The following MKNK1 variants were observed in gnomAD, a reference collection of about 807,000 sequenced individuals.
MKNK1 encodes MAP kinase-interacting serine/threonine-protein kinase 1.
In MKNK1, 30 loss-of-function variants were observed where a neutral mutation model predicts 49.3. That is an observed-to-expected ratio of 0.61 (90% CI 0.46 to 0.83). MKNK1 has a LOEUF of 0.83. Among genes scored for constraint, MKNK1 ranks in the 40% least tolerant of loss-of-function variants. MKNK1 has a pLI of 0.00. For synonymous variants in MKNK1, 176 were observed against 201.7 expected (o/e 0.87, Z 1.08); for missense variants, 423 against 524.7 (o/e 0.81, Z 1.89).
chr1:46,591,052 C>T (rs965301944), intron 2 of MKNK1, among the ~76,000 whole-genome samples: 4 of 152,216 alleles, frequency 2.6e-5, no homozygotes, highest in African/African-American at 7.2e-5. Flanking sequence ...GGACAGGCTA[C>T]GTTCTTCTGT....
intron 1 of MKNK1, among the ~76,000 whole-genome samples, chr1:46,602,194 C>T (rs1557905221): frequency 6.6e-6 from 1 of 152,194 alleles, no homozygotes; most frequent in East Asian, 1.9e-4. Flanking sequence ...GGCGGATCAC[C>T]TGAGGTCAGA....
At chr1:46,580,728 C>G in intron 3 of MKNK1, 101 bp from the exon 4 acceptor site, 3 of 775,232 alleles carry the variant, frequency 3.9e-6, no homozygotes, top group East Asian at 5.1e-5. Flanking sequence ...TCAGACGACA[C>G]AGGCACCCAA....
intron 8 of MKNK1, 65 bp from the exon 9 acceptor site, chr1:46,565,201 A>C: frequency 5.5e-6 from 8 of 1,456,028 alleles, no homozygotes; most frequent in South Asian, 4.5e-5. Flanking sequence ...GGAGCCAGGC[A>C]TGGCTGTACG....
At chr1:46,561,421 T>C in intron 11 of MKNK1, 57 bp downstream of exon 11, 1 of 1,525,902 alleles carries the variant, frequency 6.6e-7, no homozygotes, top group Non-Finnish European at 8.8e-7. Context: ...ACAGCTTCCT[T>C]GTGGCCATGC....
chr1:46,596,417 A>G (rs1275104104), intron 1 of MKNK1, among the ~76,000 whole-genome samples: 1 of 152,258 alleles, frequency 6.6e-6, no homozygotes, highest in African/African-American at 2.4e-5. Context: ...CAGTGAGTCA[A>G]ATATGGCCTG....
At chr1:46,601,515 C>A (rs924836276) in intron 1 of MKNK1, among the ~76,000 whole-genome samples, 2 of 152,336 alleles carry the variant, frequency 1.3e-5, no homozygotes, top group African/African-American at 4.8e-5. Flanking sequence ...GTGCAGGTCT[C>A]TGAACACAGC....
chr1:46,574,993 A>G lies in MKNK1; in HGVS notation c.306T>C (p.Phe102=), dbSNP rs1670741219. Residue 102 remains phenylalanine, a synonymous_variant, in exon 6 of 13, where the codon TTT becomes TTC. Coordinates refer to ENST00000371945, the MANE Select transcript of MKNK1 (RefSeq NM_001135553.4). ...NKNILELIEF[F]EDDTRFYLVF... The stretch of plus-strand genomic sequence containing the variant: ...CCAAGTAAAACCTTGTGTCATCTTC[A>G]AAGAACTCAATCAGCTCCAAAATGT... 2 of 1,613,344 alleles carry G rather than the reference A, an allele frequency of 1.2e-6. No individual in the cohort carries two copies. The highest frequency in any genetic ancestry group is 1.7e-6 in the Non-Finnish European group (2 of 1,179,516).
intron 3 of MKNK1, among the ~76,000 whole-genome samples, 166 bp from the exon 4 acceptor site, chr1:46,580,793 AC>A (rs60914701): frequency 0.25 from 37,277 of 152,048 alleles, 4,614 homozygotes; most frequent in Admixed American, 0.33. Context: ...CCACCTGAGG[AC>A]CCAGTTTCTC....
At chr1:46,585,978 G>A (rs1211181641) in intron 2 of MKNK1, 2 of 1,327,654 alleles carry the variant, frequency 1.5e-6, no homozygotes, top group Admixed American at 1.9e-5. Flanking sequence ...TCTGAAACTA[G>A]GAAGGAAAAA....
chr1:46,583,043 T>A (rs886944427), intron 3 of MKNK1, 185 bp downstream of exon 3: 8 of 684,456 alleles, frequency 1.2e-5, no homozygotes, highest in Non-Finnish European at 2.1e-5. Flanking sequence ...GCTTTTTCCA[T>A]CCCTGCTCTC....
At chr1:46,568,521 A>T in intron 7 of MKNK1, 23 bp from the exon 8 acceptor site, 1 of 1,609,436 alleles carries the variant, frequency 6.2e-7, no homozygotes, top group Non-Finnish European at 8.5e-7. Flanking sequence ...AGAGCAAAAA[A>T]ATGGTTAACA....
At position 46,589,960 on chromosome 1, in the gene MKNK1, G is replaced by C. The variant is rs185226068; in HGVS notation, c.-3+4153C>G. On this transcript the variant is annotated intron_variant, in intron 2 of 12. Transcript: ENST00000371945. The surrounding 1 kb of genome is among the most constrained non-coding windows in gnomAD (Gnocchi z 4.3). ...CTCTCCCCACTGAGAACCCGACTTT[G>C]CTGGCTAGCTCAGCTCTGCAAACTT... Among the ~76,000 whole-genome samples, 34 of 152,068 alleles carry C rather than the reference G, an allele frequency of 2.2e-4. No individual in the cohort carries two copies. Among genetic ancestry groups the C allele is most frequent in the Non-Finnish European group, 3.5e-4 (24 of 68,024 alleles).
chr1:46,601,475 C>T (rs571874936), intron 1 of MKNK1, among the ~76,000 whole-genome samples: 1 of 152,322 alleles, frequency 6.6e-6, no homozygotes, highest in South Asian at 2.1e-4. Context: ...TGAGCTTTCC[C>T]CTGTTTGAAC....
chr1:46,600,426 T>C (rs1171875385), intron 1 of MKNK1, among the ~76,000 whole-genome samples: 2 of 152,266 alleles, frequency 1.3e-5, no homozygotes, highest in Non-Finnish European at 2.9e-5. Flanking sequence ...ACTGAGTTCA[T>C]TCTAAAACTG....
intron 1 of MKNK1, among the ~76,000 whole-genome samples, chr1:46,599,500 C>T (rs1395175122): frequency 6.6e-6 from 1 of 152,118 alleles, no homozygotes; most frequent in Non-Finnish European, 1.5e-5. Context: ...AAAATGATCA[C>T]CTATTAAACC....
chr1:46,568,660 A>C, intron 7 of MKNK1, 162 bp from the exon 8 acceptor site: 1 of 668,474 alleles, frequency 1.5e-6, no homozygotes, highest in Non-Finnish European at 2.6e-6. Context: ...AACCAGCGAC[A>C]CAAACCAAAA....
chr1:46,600,850 G>A (rs928386355), intron 1 of MKNK1, among the ~76,000 whole-genome samples: 2 of 151,958 alleles, frequency 1.3e-5, no homozygotes, highest in Non-Finnish European at 2.9e-5. Flanking sequence ...CAACGTAGTA[G>A]ACTGAAAAAA....
chr1:46,568,680 A>G lies in MKNK1; in HGVS notation c.458-182T>C, dbSNP rs1324307281. 106 of 613,058 alleles carry G rather than the reference A, an allele frequency of 1.7e-4. No homozygotes were observed. The East Asian group carries it at 3.0e-3, about 17-fold the overall frequency. 38.0% of individuals were successfully genotyped at this position (613,058 alleles called of 1,614,324 possible). ...GCGACACAAACCAAAAGCACAGTTG[A>G]TTCTGCGGGTTCTTTTGAAGAGGAG... On this transcript the variant is annotated intron_variant, in intron 7 of 12. Transcript: ENST00000371945.
chr1:46,603,041 A>C (rs566362791), intron 1 of MKNK1, among the ~76,000 whole-genome samples: 1 of 152,250 alleles, frequency 6.6e-6, no homozygotes, highest in South Asian at 2.1e-4. Flanking sequence ...ACTCCTAACC[A>C]ACTCTCTGGA....
Sources: gnomAD v4.1 joint callset for allele counts (sites outside exome capture counted in the v4.1 genomes callset) on GRCh38, gnomAD v4.1.1 for gene constraint, Gnocchi (gnomAD v3.1) non-coding constraint, MANE v1.5 for transcripts, NCBI Gene and HGNC (gene_info 2026-07-23, HGNC 2026-07-21) for gene names.